The following LAT variants were observed in gnomAD, a reference collection of about 807,000 sequenced individuals.
LAT encodes the protein linker for activation of T-cells family member 1.
In LAT, 12 loss-of-function variants were observed where a neutral mutation model predicts 39.1. The observed-to-expected ratio is 0.31, with a 90% CI of 0.20 to 0.50. The LOEUF (loss-of-function observed/expected upper bound fraction) is 0.50. Among genes scored for constraint, LAT ranks in the 20% least tolerant of loss-of-function variants. LAT has a pLI of 0.98. For missense variants in LAT, 253 were observed against 308.0 expected, an observed-to-expected ratio of 0.82 and a Z score of 1.34; for synonymous variants, 117 against 123.8, an observed-to-expected ratio of 0.95 and a Z score of 0.36.
In LAT at chr16:28,986,742, T is replaced by G. The variant is rs1409175119; in HGVS notation, c.398+28T>G. Reference sequence around the variant, plus strand: ...GAGTGGCCAGGTGGGAGGTGGGAGGTGAGGGCTGAGGCTGTGCGTCCCCCC... The same window carrying G: ...GAGTGGCCAGGTGGGAGGTGGGAGGGGAGGGCTGAGGCTGTGCGTCCCCCC... On this transcript the variant is annotated intron_variant, in intron 7 of 11. Transcript: ENST00000395456. The surrounding 1 kb of genome is among the most constrained non-coding windows in gnomAD (Gnocchi z 5.7). 1 of 1,609,434 alleles carries G rather than the reference T, an allele frequency of 6.2e-7. No homozygotes were observed. The highest frequency in any genetic ancestry group is 1.3e-5 in the African/African-American group (1 of 74,802).
Position 28,986,665 on chromosome 16 carries a change from T to C in LAT, c.349T>C (p.Cys117Arg), listed in dbSNP as rs1334371025. The C allele has an allele frequency of 3.7e-6, 6 of 1,613,974 alleles. No homozygotes were observed. The highest frequency in any genetic ancestry group is 4.2e-6 in the Non-Finnish European group (5 of 1,179,962). ...VASYENEEPA[C>R]EDADEDEDDY... ...TGTGTCGTTACCCCCAGAACCAGCC[T>C]GTGAGGATGCGGATGAGGATGAGGA... Residue 117 changes from cysteine to arginine, a missense_variant, in exon 7 of 12, where the codon TGT (cysteine) becomes CGT (arginine). Transcript: ENST00000395456. This position sits in a 1 kb window ranked among gnomAD's most constrained non-coding sequence, Gnocchi z 5.7.
rs1486612028 is a variant in LAT at position 28,989,325 on chromosome 16, CCACCATCACCAT to C, written c.494-196_494-185del. On this transcript the variant is annotated intron_variant, in intron 8 of 11. Coordinates refer to ENST00000395456, the MANE Select transcript of LAT (RefSeq NM_001014987.2). Reference sequence around the variant, plus strand: ...TCCACAGCCCTTGCCCTTGTCCAGGCCACCATCACCATCACCAACACCATCCTTGCCAGCCTG... The same window carrying C: ...TCCACAGCCCTTGCCCTTGTCCAGGCCACCAACACCATCCTTGCCAGCCTG... The C allele has an allele frequency of 3.0e-5, 17 of 568,634 alleles. No homozygotes were observed. The African/African-American group carries it at 3.2e-4, about 11-fold the overall frequency. 35.2% of individuals were successfully genotyped at this position (568,634 alleles called of 1,614,324 possible).
Position 28,985,874 on chromosome 16 carries a change from A to C in LAT, c.149A>C (p.Gln50Pro). Residue 50 changes from glutamine to proline, a missense_variant, in exon 3 of 12, where the codon CAG (glutamine) becomes CCG (proline). Transcript: ENST00000395456. The surrounding 1 kb of genome is among the most constrained non-coding windows in gnomAD (Gnocchi z 4.6). Reference protein sequence around the residue: ...SSDSLYPRGIQFKRPHTVAPW... With the variant: ...SSDSLYPRGIPFKRPHTVAPW... ...ACCAGTTTGTATCCAAGGGGCATCC[A>C]GTTCAAACGGCCTCGTGAGTACAAG... The C allele has an allele frequency of 1.2e-6, 2 of 1,614,042 alleles. No individual in the cohort carries two copies. The highest frequency in any genetic ancestry group is 1.7e-6 in the Non-Finnish European group (2 of 1,179,978).
chr16:28,986,292 T>A lies in LAT; in HGVS notation c.245+76T>A. 6.4e-7 allele frequency: 1 copy of A among 1,565,156 alleles called. No individual in the cohort carries two copies. The highest frequency in any genetic ancestry group is 1.7e-5 in the Admixed American group (1 of 57,826). ...CAAACTCCACTCTCTACCCCTTCAC[T>A]TTTTTGGATTGGGGGCCCCTTTCCC... is the stretch of plus-strand genomic sequence containing the variant. On this transcript the variant is annotated intron_variant, in intron 4 of 11. Transcript: ENST00000395456. The surrounding 1 kb of genome is among the most constrained non-coding windows in gnomAD (Gnocchi z 5.7).
intron 8 of LAT, 155 bp from the exon 9 acceptor site, chr16:28,989,372 C>G (rs2141688670): frequency 3.1e-6 from 2 of 651,468 alleles, no homozygotes; most frequent in African/African-American, 1.8e-5. Context: ...GGAGTCCCCT[C>G]TCTTCATTCT....
upstream of LAT, chr16:28,984,960 C>T (rs1030583916): frequency 1.1e-5 from 17 of 1,489,598 alleles, no homozygotes; most frequent in South Asian, 1.3e-4. Flanking sequence ...GGGCCTCCTC[C>T]TGCCCCCTCC....
upstream of LAT, chr16:28,984,842 T>C: frequency 6.5e-7 from 1 of 1,550,218 alleles, no homozygotes; most frequent in Non-Finnish European, 8.7e-7. Flanking sequence ...CCCTGCTCGC[T>C]GCCTCCCCGG....
intron 8 of LAT, chr16:28,988,939 G>A (rs117382857): frequency 0.067 from 10,185 of 152,948 alleles, 537 homozygotes; most frequent in Admixed American, 0.16. Context: ...GGAGGTCAAG[G>A]TTGCGGTGAG....
At position 28,989,966 on chromosome 16, in the gene LAT, A is replaced by C; in HGVS notation, c.656A>C (p.Glu219Ala). 6.2e-7 allele frequency: 1 copy of C among 1,613,850 alleles called. No individual in the cohort carries two copies. The change falls in exon 11 of 12, where the codon GAG becomes GCG. Residue 219 changes from glutamate to alanine, a missense_variant. Transcript: ENST00000395456. ...AGTTCCCAGGAGGCAGAGGAAGTGG[A>C]GGAAGAGGGGGCTCCAGATTACGAG... ...ALSSQEAEEV[E>A]EEGAPDYENL...
In LAT at chr16:28,985,950, G is replaced by A. The variant is rs1017519218; in HGVS notation, c.163+62G>A. 2.7e-5 allele frequency: 42 copies of A among 1,579,016 alleles called. No homozygotes were observed. The highest frequency in any genetic ancestry group is 1.7e-4 in the Middle Eastern group (1 of 6,020). On this transcript the variant is annotated intron_variant, in intron 3 of 11. Coordinates refer to ENST00000395456, the MANE Select transcript of LAT (RefSeq NM_001014987.2). This position sits in a 1 kb window ranked among gnomAD's most constrained non-coding sequence, Gnocchi z 4.6. ...GGAGAGGGTCCCCTGGTGTGGGAGT[G>A]AGCGTGAACCTTCAGACTTCCCCTG...
intron 8 of LAT, among the ~76,000 whole-genome samples, chr16:28,987,248 C>T (rs1055557171): frequency 2.0e-5 from 3 of 152,136 alleles, no homozygotes; most frequent in Non-Finnish European, 4.4e-5. Flanking sequence ...TCTCTTCTTT[C>T]CTATCTCTGT....
chr16:28,987,163 G>T (rs1233474469), intron 8 of LAT, among the ~76,000 whole-genome samples: 1 of 152,104 alleles, frequency 6.6e-6, no homozygotes, highest in Non-Finnish European at 1.5e-5. Flanking sequence ...CCCACCTCGG[G>T]CTCCCAAAGT....
rs141916698 is a variant in LAT, at chr16:28,985,870, A to T, written c.145A>T (p.Ile49Phe). The change falls in exon 3 of 12, where the codon ATC (isoleucine) becomes TTC (phenylalanine). Residue 49 changes from isoleucine to phenylalanine, a missense_variant. Coordinates refer to ENST00000395456, the MANE Select transcript of LAT (RefSeq NM_001014987.2). The surrounding 1 kb of genome is among the most constrained non-coding windows in gnomAD (Gnocchi z 4.6). ...CTTTACCAGTTTGTATCCAAGGGGC[A>T]TCCAGTTCAAACGGCCTCGTGAGTA... ...TSSDSLYPRG[I>F]QFKRPHTVAP... 5.6e-6 allele frequency: 9 copies of T among 1,613,972 alleles called. No individual in the cohort carries two copies. The highest frequency in any genetic ancestry group is 7.6e-6 in the Non-Finnish European group (9 of 1,179,986).
At position 28,985,395 on chromosome 16, in the gene LAT, G is replaced by T; in HGVS notation, c.-23G>T. On this transcript the variant is annotated 5_prime_UTR_variant, in exon 1 of 12. Coordinates refer to ENST00000395456, the MANE Select transcript of LAT (RefSeq NM_001014987.2). This position sits in a 1 kb window ranked among gnomAD's most constrained non-coding sequence, Gnocchi z 4.6. ...CTTGAGGGGCCTAGGGGTGCAGCCAGCCTGCTCCGAGCTCCCCTGCAGATG... is the reference window on the plus strand; with the variant it reads ...CTTGAGGGGCCTAGGGGTGCAGCCATCCTGCTCCGAGCTCCCCTGCAGATG... 6.2e-7 allele frequency: 1 copy of T among 1,612,776 alleles called. No homozygotes were observed. The highest frequency in any genetic ancestry group is 1.3e-5 in the African/African-American group (1 of 75,024).
In LAT at chr16:28,990,289, C is replaced by T. The variant is rs1469437814; in HGVS notation, c.*108C>T. The T allele has an allele frequency of 6.0e-6, 4 of 661,456 alleles. No individual in the cohort carries two copies. The highest frequency in any genetic ancestry group is 1.1e-5 in the Non-Finnish European group (4 of 358,964). 41.0% of individuals were successfully genotyped at this position (661,456 alleles called of 1,614,324 possible). On this transcript the variant is annotated 3_prime_UTR_variant, in exon 12 of 12. Transcript: ENST00000395456. ...CTCACATGGCGTCCTGCCCTTGCTCCAGCCTGACAACAGCCTGAGAAATCC... is the reference window on the plus strand; with the variant it reads ...CTCACATGGCGTCCTGCCCTTGCTCTAGCCTGACAACAGCCTGAGAAATCC...
In LAT at chr16:28,985,526, GA is replaced by G; in HGVS notation, c.100+12del. 1 of 1,612,636 alleles carries G rather than the reference GA, an allele frequency of 6.2e-7. No homozygotes were observed. On this transcript the variant is annotated intron_variant, in intron 1 of 11. Coordinates refer to ENST00000395456, the MANE Select transcript of LAT (RefSeq NM_001014987.2). This position sits in a 1 kb window ranked among gnomAD's most constrained non-coding sequence, Gnocchi z 4.6. ...CTGCCACAGACTGCCAGGTGAGTGG[GA>G]AACTGGTGGGGGTACCCAGGGCCCA...
In LAT at chr16:28,986,299, G is replaced by A. The variant is rs936157217; in HGVS notation, c.245+83G>A. 1.7e-5 allele frequency: 26 copies of A among 1,571,234 alleles called. No individual in the cohort carries two copies. Among genetic ancestry groups the A allele is most frequent in the Non-Finnish European group, 2.2e-5 (25 of 1,150,118 alleles). On this transcript the variant is annotated intron_variant, in intron 4 of 11. Transcript: ENST00000395456. This position sits in a 1 kb window ranked among gnomAD's most constrained non-coding sequence, Gnocchi z 5.7. ...CACTCTCTACCCCTTCACTTTTTTG[G>A]ATTGGGGGCCCCTTTCCCTTTTGCA...
chr16:28,985,697 GC>G lies in LAT; in HGVS notation c.101-13del. 3.1e-6 allele frequency: 5 copies of G among 1,613,652 alleles called. No homozygotes were observed. Among genetic ancestry groups the G allele is most frequent in the Admixed American group, 1.7e-5 (1 of 60,002 alleles). ...AGCACCCCCTGTTCCTGCCTCACCAGCCCTCTCTTTCCCAGGCTCCTACGAC... is the reference window on the plus strand; with the variant it reads ...AGCACCCCCTGTTCCTGCCTCACCAGCCTCTCTTTCCCAGGCTCCTACGAC... On this transcript the variant is annotated splice_polypyrimidine_tract_variant and intron_variant, in intron 1 of 11. Coordinates refer to ENST00000395456, the MANE Select transcript of LAT (RefSeq NM_001014987.2). This position sits in a 1 kb window ranked among gnomAD's most constrained non-coding sequence, Gnocchi z 4.6.
chr16:28,990,641 T>A lies in LAT; in HGVS notation c.*460T>A, dbSNP rs1280348368. The A allele has an allele frequency of 5.3e-6, 1 of 187,642 alleles. No individual in the cohort carries two copies. The highest frequency in any genetic ancestry group is 1.7e-4 in the East Asian group (1 of 6,010). The allele number at this position is 187,642 out of a possible 1,614,324, so 11.6% of individuals were successfully genotyped here. A position where few individuals can be genotyped will look rare whatever the true frequency, so the allele number is the denominator to read the frequency against. On this transcript the variant is annotated 3_prime_UTR_variant, in exon 12 of 12. Coordinates refer to ENST00000395456, the MANE Select transcript of LAT (RefSeq NM_001014987.2). ...CTGGGGGTGAGGACACATTGCCCCA[T>A]GAGACAGTCCCAGAACACGGCAGCT... is the stretch of plus-strand genomic sequence containing the variant.
Sources: allele counts gnomAD v4.1 joint callset (sites outside exome capture counted in the v4.1 genomes callset), GRCh38; gene constraint gnomAD v4.1.1; non-coding constraint Gnocchi (gnomAD v3.1); transcripts MANE v1.5; gene names NCBI Gene and HGNC (gene_info 2026-07-23, HGNC 2026-07-21).